Variants in ATP10B observed in about 807,000 individuals in gnomAD.
The protein encoded by ATP10B is phospholipid-transporting ATPase VB.
Under a neutral mutation model 141.2 loss-of-function variants are expected in ATP10B, and 122 were observed. The ratio of observed to expected loss-of-function variants is 0.86; its 90% confidence interval spans 0.75 to 1.00. The LOEUF (loss-of-function observed/expected upper bound fraction) is 1.00, where lower values mean the gene tolerates loss of function less well. Among genes scored for constraint, ATP10B ranks in the 50% least tolerant of loss-of-function variants. The pLI, the probability that ATP10B is intolerant of heterozygous loss-of-function variation, is 0.00. For synonymous variants in ATP10B, 685 were observed against 692.0 expected, an observed-to-expected ratio of 0.99 and a Z score of 0.16; for missense variants, 1,876 against 1,825.3, an observed-to-expected ratio of 1.03 and a Z score of -0.51.
chr5:160,665,855 G>T (rs1439559652), intron 7 of ATP10B, among the ~76,000 whole-genome samples: 3 of 152,252 alleles, frequency 2.0e-5, no homozygotes, highest in Admixed American at 1.3e-4. Flanking sequence ...CAAGGTGAAG[G>T]TCTCAAAGAC....
intron 2 of ATP10B, among the ~76,000 whole-genome samples, chr5:160,743,481 T>C (rs2127810098): frequency 6.6e-6 from 1 of 152,278 alleles, no homozygotes; most frequent in African/African-American, 2.4e-5. Context: ...AAGAAAAATC[T>C]GACGAAAGAA....
At position 160,827,811 on chromosome 5, in the gene ATP10B, A is replaced by C. The variant is rs528298577; in HGVS notation, c.-576+24130T>G. 3.3e-5 allele frequency among the ~76,000 whole-genome samples: 5 copies of C among 152,200 alleles called. No homozygotes were observed. The East Asian group carries it at 9.7e-4, about 29-fold the overall frequency. ...TATGGCTAGCCAGTTATCCCAGCACAATTTATTGAAAAGCAATTCATTTAT... is the reference window on the plus strand; with the variant it reads ...TATGGCTAGCCAGTTATCCCAGCACCATTTATTGAAAAGCAATTCATTTAT... On this transcript the variant is annotated intron_variant, in intron 1 of 25. Transcript: ENST00000327245.
At chr5:160,850,385 C>T (rs572281583) in intron 1 of ATP10B, among the ~76,000 whole-genome samples, 2 of 152,236 alleles carry the variant, frequency 1.3e-5, no homozygotes, top group East Asian at 3.9e-4. Flanking sequence ...GATTGCGCCA[C>T]TGCACGCCAG....
At chr5:160,685,447 G>C (rs1199716634) in intron 6 of ATP10B, 2 of 386,852 alleles carry the variant, frequency 5.2e-6, no homozygotes, top group Non-Finnish European at 9.1e-6. Flanking sequence ...TTGGAATGTA[G>C]ACGTCACCTA....
the ATP10B span, among the ~76,000 whole-genome samples, chr5:160,875,451 C>T: frequency 9.0e-6 from 1 of 110,978 alleles, no homozygotes; most frequent in Non-Finnish European, 2.2e-5. Flanking sequence ...TAATGACCAT[C>T]GAGACTAGGA....
chr5:160,838,553 C>A (rs1363185025), intron 1 of ATP10B, among the ~76,000 whole-genome samples: 2 of 152,084 alleles, frequency 1.3e-5, no homozygotes, highest in Non-Finnish European at 2.9e-5. Context: ...AAAATATATT[C>A]TTTAGTTGAA....
the ATP10B span, among the ~76,000 whole-genome samples, chr5:160,876,707 C>T: frequency 6.6e-6 from 1 of 151,796 alleles, no homozygotes; most frequent in African/African-American, 2.4e-5. Flanking sequence ...GGGGATATCA[C>T]CACCAATCCC....
intron 7 of ATP10B, among the ~76,000 whole-genome samples, chr5:160,659,665 G>T (rs1465829086): frequency 1.3e-5 from 2 of 151,888 alleles, no homozygotes; most frequent in Non-Finnish European, 2.9e-5. Context: ...TAGAAGACTG[G>T]AGGAGATCAC....
chr5:160,704,106 A>G (rs923311577), intron 3 of ATP10B, among the ~76,000 whole-genome samples: 1 of 152,036 alleles, frequency 6.6e-6, no homozygotes, highest in South Asian at 2.1e-4. Context: ...CCTCTTTAGT[A>G]ACTGGGAGTG....
chr5:160,606,840 G>A lies in ATP10B; in HGVS notation c.3085C>T (p.Arg1029Cys), dbSNP rs370967558. The A allele has an allele frequency of 2.0e-5, 33 of 1,614,088 alleles. No individual in the cohort carries two copies. Among genetic ancestry groups the A allele is most frequent in the South Asian group, 1.9e-4 (17 of 91,076 alleles). Residue 1029 changes from arginine (R) to cysteine (C), a missense_variant, in exon 19 of 26, where the codon CGC (arginine) becomes TGC (cysteine). Transcript: ENST00000327245. ...ATACTCTTCTGGAGTGGCGTGGAGC[G>A]GCAGCACAGGACGGACCGACAATAC... is the stretch of plus-strand genomic sequence containing the variant. ...TQYCRSVLCC[R>C]STPLQKSMIV...
chr5:160,755,772 G>A (rs1427934964), intron 2 of ATP10B, among the ~76,000 whole-genome samples: 66 of 126,164 alleles, frequency 5.2e-4, no homozygotes, highest in African/African-American at 1.7e-3. Flanking sequence ...CCGACATCCC[G>A]CCACTGCACT....
intron 2 of ATP10B, among the ~76,000 whole-genome samples, chr5:160,753,680 A>G (rs1001153513): frequency 1.3e-5 from 2 of 152,236 alleles, no homozygotes; most frequent in African/African-American, 4.8e-5. Context: ...AGACATTATA[A>G]CAAATAACTG....
chr5:160,591,411 G>T (rs567848013), intron 22 of ATP10B, among the ~76,000 whole-genome samples: 1 of 152,136 alleles, frequency 6.6e-6, no homozygotes, highest in Non-Finnish European at 1.5e-5. Flanking sequence ...TATCTCCTTG[G>T]GGTTCAAGAG....
intron 24 of ATP10B, among the ~76,000 whole-genome samples, chr5:160,577,552 C>G (rs1023571400): frequency 6.6e-6 from 1 of 152,092 alleles, no homozygotes; most frequent in African/African-American, 2.4e-5. Flanking sequence ...TGGAGAGCAC[C>G]GCGTCCTAGG....
chr5:160,615,674 G>A (rs1471771888), intron 17 of ATP10B, among the ~76,000 whole-genome samples, 164 bp downstream of exon 17: 1 of 152,104 alleles, frequency 6.6e-6, no homozygotes, highest in Non-Finnish European at 1.5e-5. Flanking sequence ...TGTGGTGTCT[G>A]GGTTGGGTAT....
At chr5:160,873,233 CAG>C in the ATP10B span, among the ~76,000 whole-genome samples, 1 of 151,064 alleles carries the variant, frequency 6.6e-6, no homozygotes, top group African/African-American at 2.4e-5. Flanking sequence ...AAATTAGAAA[CAG>C]AGGAGAACTT....
the ATP10B span, among the ~76,000 whole-genome samples, chr5:160,909,148 G>C: frequency 6.6e-6 from 1 of 152,200 alleles, no homozygotes; most frequent in African/African-American, 2.4e-5. Context: ...GGCTCTGATA[G>C]AGAAGGGCAG....
intron 6 of ATP10B, among the ~76,000 whole-genome samples, chr5:160,672,648 A>G (rs1762785188): frequency 6.6e-6 from 1 of 152,234 alleles, no homozygotes; most frequent in South Asian, 2.1e-4. Flanking sequence ...AGGCAGCCAG[A>G]CCGGGAGAAG....
intron 1 of ATP10B, among the ~76,000 whole-genome samples, chr5:160,826,622 G>T (rs1321527032): frequency 6.6e-6 from 1 of 152,004 alleles, no homozygotes; most frequent in Non-Finnish European, 1.5e-5. Context: ...CTGCCTGCAG[G>T]GTAGGGCAAA....
Sources: gnomAD v4.1 joint callset for allele counts (sites outside exome capture counted in the v4.1 genomes callset) on GRCh38, gnomAD v4.1.1 for gene constraint, MANE v1.5 for transcripts, NCBI Gene and HGNC (gene_info 2026-07-23, HGNC 2026-07-21) for gene names.